Variants in OR6P1 observed in about 807,000 individuals in gnomAD.
The protein encoded by OR6P1 is olfactory receptor 6P1.
OR6P1 carries 5 observed loss-of-function variants against 6.6 expected under a neutral mutation model. That is an observed-to-expected ratio of 0.76 (90% CI 0.40 to 1.60). The LOEUF is 1.60. OR6P1 is among the 40% of genes most tolerant of loss of function. OR6P1 has a pLI of 0.02. For synonymous variants in OR6P1, 177 were observed against 149.6 expected (o/e 1.18, Z -1.33); for missense variants, 451 against 383.0 (o/e 1.18, Z -1.48).
intron 1 of OR6P1, among the ~76,000 whole-genome samples, chr1:158,567,525 T>A (rs1261557003): frequency 3.4e-5 from 5 of 147,602 alleles, no homozygotes; most frequent in African/African-American, 5.0e-5. Flanking sequence ...ATCATCATTC[T>A]CAGTAAACTA....
Position 158,563,263 on chromosome 1 carries a change from C to A in OR6P1, c.342G>T (p.Leu114=), listed in dbSNP as rs781658661. ...AGCGATCATAGGCCATAACTGCCAA[C>A]AGCACACATTCAGTACAGGCTAAGG... ...FIALACTECV[L]LAVMAYDRYL... Residue 114 remains leucine (L), a synonymous_variant, in exon 3 of 3, where the codon CTG becomes CTT. Coordinates refer to ENST00000641540, the MANE Select transcript of OR6P1 (RefSeq NM_001160325.2). The A allele has an allele frequency of 5.2e-6, 8 of 1,551,542 alleles. No homozygotes were observed. In the South Asian group the frequency reaches 9.5e-5, roughly 18 times the overall value.
rs1311301628 is a variant in OR6P1 at position 158,561,606 on chromosome 1, A to G, written c.*1045T>C. The G allele has an allele frequency of 6.6e-6, 1 of 152,220 alleles. No homozygotes were observed. The highest frequency in any genetic ancestry group is 2.4e-5 in the African/African-American group (1 of 41,472). The allele number at this position is 152,220 out of a possible 1,614,324, so 9.4% of individuals were successfully genotyped here. On this transcript the variant is annotated 3_prime_UTR_variant, in exon 3 of 3. Transcript: ENST00000641540. ...ATTGAATTTGGTTCAATATGCAGAA[A>G]TTTGTGTAAATGAGCCTAGATTCAA...
At position 158,570,442 on chromosome 1, in the gene OR6P1, C is replaced by T. The variant is rs565703257; in HGVS notation, c.-118G>A. On this transcript the variant is annotated splice_region_variant and 5_prime_UTR_variant, in exon 1 of 3. Transcript: ENST00000641540. ...GATGAAGGATTTGAGGGTGTCTAACCTGAATAAGAACAAAATTTGTCACAG... is the reference window on the plus strand; with the variant it reads ...GATGAAGGATTTGAGGGTGTCTAACTTGAATAAGAACAAAATTTGTCACAG... 1.3e-4 allele frequency: 20 copies of T among 152,248 alleles called. No individual in the cohort carries two copies. The highest frequency in any genetic ancestry group is 1.0e-3 in the Admixed American group (16 of 15,290). 9.4% of individuals were successfully genotyped at this position (152,248 alleles called of 1,614,324 possible). A position where few individuals can be genotyped will look rare whatever the true frequency, so the allele number is the denominator to read the frequency against.
chr1:158,564,556 A>G (rs1202140075), intron 2 of OR6P1, among the ~76,000 whole-genome samples: 2 of 152,182 alleles, frequency 1.3e-5, no homozygotes, highest in African/African-American at 4.8e-5. Flanking sequence ...GGAGACTGCA[A>G]TGATTTGGCC....
Position 158,562,549 on chromosome 1 carries a change from G to T in OR6P1, c.*102C>A, listed in dbSNP as rs759540399. On this transcript the variant is annotated 3_prime_UTR_variant, in exon 3 of 3. Transcript: ENST00000641540. ...GTCCCAGACAATATTTAGAGAAAAT[G>T]TTGGCAAATTATATTTATGTTCCCT... 2 of 687,010 alleles carry T rather than the reference G, an allele frequency of 2.9e-6. No individual in the cohort carries two copies. Among genetic ancestry groups the T allele is most frequent in the Non-Finnish European group, 5.0e-6 (2 of 396,488 alleles). 42.6% of individuals were successfully genotyped at this position (687,010 alleles called of 1,614,324 possible). A position where few individuals can be genotyped will look rare whatever the true frequency, so the allele number is the denominator to read the frequency against.
At chr1:158,569,636 A>T (rs1648190477) in intron 1 of OR6P1, among the ~76,000 whole-genome samples, 1 of 152,220 alleles carries the variant, frequency 6.6e-6, no homozygotes, top group Admixed American at 6.5e-5. Flanking sequence ...ATAATAATTC[A>T]TTACTCTGTG....
At position 158,562,018 on chromosome 1, in the gene OR6P1, C is replaced by T. The variant is rs7511912; in HGVS notation, c.*633G>A. ...AAGGGAGATGGAGAGGATAGTTAGC[C>T]ATATTGAGTCAAGAATATATGGCTG... On this transcript the variant is annotated 3_prime_UTR_variant, in exon 3 of 3. Transcript: ENST00000641540. 0.48 allele frequency: 73,648 copies of T among 152,032 alleles called. 17,940 individuals are homozygous for T. Among genetic ancestry groups the T allele is most frequent in the East Asian group, 0.59 (3,039 of 5,178 alleles). 9.4% of individuals were successfully genotyped at this position (152,032 alleles called of 1,614,324 possible). A position where few individuals can be genotyped will look rare whatever the true frequency, so the allele number is the denominator to read the frequency against.
At chr1:158,567,575 A>G (rs1356645179) in intron 1 of OR6P1, among the ~76,000 whole-genome samples, 1 of 144,370 alleles carries the variant, frequency 6.9e-6, no homozygotes, top group Non-Finnish European at 1.5e-5. Context: ...ATTCTCACTC[A>G]TAGGTGGGAA....
In OR6P1 at chr1:158,562,457, G is replaced by T; in HGVS notation, c.*194C>A. The T allele has an allele frequency of 1.8e-6, 1 of 562,166 alleles. No homozygotes were observed. 34.8% of individuals were successfully genotyped at this position (562,166 alleles called of 1,614,324 possible). On this transcript the variant is annotated 3_prime_UTR_variant, in exon 3 of 3. Transcript: ENST00000641540. ...TTCCCAGGTGATTCTTCTGTAGCTA[G>T]TCCAACCTTAGTTTGAAAACCCCTG...
At chr1:158,569,489 A>T (rs1019649170) in intron 1 of OR6P1, among the ~76,000 whole-genome samples, 4 of 152,318 alleles carry the variant, frequency 2.6e-5, no homozygotes, top group Non-Finnish European at 5.9e-5. Flanking sequence ...TTTCCCTTGA[A>T]TTCCTCATTT....
Position 158,562,676 on chromosome 1 carries a change from T to A in OR6P1, c.929A>T (p.His310Leu). ...TCAGTCCTGAACATCCCTAGGATAG[T>A]GACATCTGCCCATCACTGTCTTCCT... ...AFRKTVMGRC[H>L]YPRDVQD Residue 310 changes from histidine to leucine, a missense_variant, in exon 3 of 3, where the codon CAC (histidine) becomes CTC (leucine). Transcript: ENST00000641540. 6.4e-7 allele frequency: 1 copy of A among 1,554,448 alleles called. No homozygotes were observed. The highest frequency in any genetic ancestry group is 1.2e-5 in the South Asian group (1 of 84,172).
In OR6P1 at chr1:158,561,547, T is replaced by A. The variant is rs1173994385; in HGVS notation, c.*1104A>T. 1.3e-5 allele frequency: 2 copies of A among 152,228 alleles called. No homozygotes were observed. The highest frequency in any genetic ancestry group is 2.9e-5 in the Non-Finnish European group (2 of 68,038). 9.4% of individuals were successfully genotyped at this position (152,228 alleles called of 1,614,324 possible). ...TGCATATTTATTGTTATTGCATATTTATTTTGTTTCACATATCCCACATCT... is the reference window on the plus strand; with the variant it reads ...TGCATATTTATTGTTATTGCATATTAATTTTGTTTCACATATCCCACATCT... On this transcript the variant is annotated 3_prime_UTR_variant, in exon 3 of 3. Coordinates refer to ENST00000641540, the MANE Select transcript of OR6P1 (RefSeq NM_001160325.2).
In OR6P1 at chr1:158,563,063, A is replaced by T; in HGVS notation, c.542T>A (p.Ile181Asn). The change falls in exon 3 of 3, where the codon ATT becomes AAT. Residue 181 changes from isoleucine to asparagine, a missense_variant. Ile to Asn is a moderately radical substitution (Grantham distance 149). Transcript: ENST00000641540. ...PNIINHFFCDISPLLNLTCSD... is the reference protein window; with the variant it reads ...PNIINHFFCDNSPLLNLTCSD... ...GCAGGTGAGGTTGAGTAGTGGGGAA[A>T]TATCACAGAAAAAGTGGTTGATAAT... The T allele has an allele frequency of 1.3e-6, 2 of 1,551,850 alleles. No homozygotes were observed.
At position 158,561,046 on chromosome 1, in the gene OR6P1, C is replaced by T. The variant is rs995713936; in HGVS notation, c.*1605G>A. 2.0e-5 allele frequency: 3 copies of T among 151,954 alleles called. No individual in the cohort carries two copies. The highest frequency in any genetic ancestry group is 2.1e-4 in the South Asian group (1 of 4,822). 9.4% of individuals were successfully genotyped at this position (151,954 alleles called of 1,614,324 possible). ...AGAAAAAAAATGCTAACCCTTTGCC[C>T]GCATATGTGTTATTTATTTAATATT... On this transcript the variant is annotated 3_prime_UTR_variant, in exon 3 of 3. Coordinates refer to ENST00000641540, the MANE Select transcript of OR6P1 (RefSeq NM_001160325.2).
rs1317954123 is a variant in OR6P1, at chr1:158,562,917, T to C, written c.688A>G (p.Thr230Ala). The C allele has an allele frequency of 6.4e-7, 1 of 1,551,816 alleles. No homozygotes were observed. Among genetic ancestry groups the C allele is most frequent in the South Asian group, 1.2e-5 (1 of 84,052 alleles). ...AAGGCTTTGTGGCGTCCCCTGGACG[T>C]AGGGATCCTCAGGATGGCTGCAATG... ...AIIAAILRIP[T>A]SRGRHKAFST... is the part of the protein sequence containing the mutation. Residue 230 changes from threonine (T) to alanine (A), a missense_variant, in exon 3 of 3, where the codon ACG becomes GCG. Coordinates refer to ENST00000641540, the MANE Select transcript of OR6P1 (RefSeq NM_001160325.2).
Position 158,562,836 on chromosome 1 carries a change from A to G in OR6P1, c.769T>C (p.Phe257Leu). 6.4e-7 allele frequency: 1 copy of G among 1,552,014 alleles called. No homozygotes were observed. The change falls in exon 3 of 3, where the codon TTC becomes CTC. Residue 257 changes from phenylalanine to leucine, a missense_variant. By Grantham distance (22) the Phe-to-Leu change is conservative. Coordinates refer to ENST00000641540, the MANE Select transcript of OR6P1 (RefSeq NM_001160325.2). ...ATGGCCCGGGGCCGTGCATAGGTGA[A>G]GAGAGTGGAGGAGTAGTAGATAACA... is the stretch of plus-strand genomic sequence containing the variant. ...VVVIYYSSTL[F>L]TYARPRAMYT... is the part of the protein sequence containing the mutation.
chr1:158,563,166 C>A lies in OR6P1; in HGVS notation c.439G>T (p.Ala147Ser). Residue 147 changes from alanine to serine, a missense_variant, in exon 3 of 3, where the codon GCC becomes TCC. Transcript: ENST00000641540. The part of the protein sequence containing the change: ...PSSLATRLAA[A>S]SWGSGFFSSM... ...CTGAAGAAGCCACTGCCCCAAGAGG[C>A]AGCAGCAAGGCGAGTGGCCAGACTG... The A allele has an allele frequency of 6.4e-7, 1 of 1,551,502 alleles. No homozygotes were observed. The highest frequency in any genetic ancestry group is 2.0e-5 in the Admixed American group (1 of 50,892).
chr1:158,565,199 T>C (rs1648066417), intron 2 of OR6P1, among the ~76,000 whole-genome samples: 1 of 152,144 alleles, frequency 6.6e-6, no homozygotes, highest in South Asian at 2.1e-4. Flanking sequence ...CTACTTTTTA[T>C]CAGACATTTA....
intron 2 of OR6P1, among the ~76,000 whole-genome samples, chr1:158,565,372 T>C (rs1557900692): frequency 6.6e-6 from 1 of 152,206 alleles, no homozygotes; most frequent in East Asian, 1.9e-4. Context: ...AGTACACAAA[T>C]GAGCGTATCT....
Sources: gnomAD v4.1 joint callset for allele counts (sites outside exome capture counted in the v4.1 genomes callset) on GRCh38, gnomAD v4.1.1 for gene constraint, MANE v1.5 for transcripts, NCBI Gene and HGNC (gene_info 2026-07-23, HGNC 2026-07-21) for gene names.